STAT4: variants seen among roughly 807,000 people sequenced by gnomAD.
STAT4 encodes the protein signal transducer and activator of transcription 4.
A neutral mutation model predicts 110.5 loss-of-function variants in STAT4; 42 were observed. That is an observed-to-expected ratio of 0.38 (90% CI 0.30 to 0.49). STAT4 has a LOEUF of 0.49. Ranked by LOEUF, STAT4 falls within the 20% of genes least tolerant of loss-of-function variation. The pLI, the probability that STAT4 is intolerant of heterozygous loss-of-function variation, is 0.95. For synonymous variants in STAT4, 284 were observed against 302.2 expected, an observed-to-expected ratio of 0.94 and a Z score of 0.63; for missense variants, 632 against 887.9, an observed-to-expected ratio of 0.71 and a Z score of 3.66.
At chr2:191,151,594 C>T (rs1405184424), upstream of STAT4, 2 of 985,472 alleles carry the variant, frequency 2.0e-6, no homozygotes, top group African/African-American at 3.5e-5. The surrounding 1 kb of genome is among the most constrained non-coding windows in gnomAD (Gnocchi z 4.7). Flanking sequence ...TAGCCTTGCC[C>T]CTGGTTGCTA....
At position 191,029,885 on chromosome 2, in the gene STAT4, A is replaced by G. The variant is rs1695838036; in HGVS notation, c.2221-19T>C. 1.3e-6 allele frequency: 2 copies of G among 1,581,134 alleles called. No homozygotes were observed. Among genetic ancestry groups the G allele is most frequent in the African/African-American group, 2.7e-5 (2 of 73,706 alleles). On this transcript the variant is annotated intron_variant, in intron 23 of 23. Coordinates refer to ENST00000392320, the MANE Select transcript of STAT4 (RefSeq NM_003151.4). This position sits in a 1 kb window ranked among gnomAD's most constrained non-coding sequence, Gnocchi z 4.5. ...ACTTCATCTAAAATTAAAAATGAAA[A>G]TAATCTTTGAGGAAACTACTGGTTT...
At position 191,031,889 on chromosome 2, in the gene STAT4, T is replaced by G. The variant is rs1695907022; in HGVS notation, c.2045-373A>C. On this transcript the variant is annotated intron_variant, in intron 21 of 23. Coordinates refer to ENST00000392320, the MANE Select transcript of STAT4 (RefSeq NM_003151.4). The surrounding 1 kb of genome is among the most constrained non-coding windows in gnomAD (Gnocchi z 4.8). ...ATAACCCAGTTCTTTTCATTAAAAT[T>G]GACACCAATCAGAATCTTATGATTG... 6.6e-6 allele frequency among the ~76,000 whole-genome samples: 1 copy of G among 152,198 alleles called. No individual in the cohort carries two copies. The highest frequency in any genetic ancestry group is 2.4e-5 in the African/African-American group (1 of 41,448).
intron 14 of STAT4, among the ~76,000 whole-genome samples, chr2:191,048,864 A>G (rs558957961): frequency 6.8e-6 from 1 of 148,006 alleles, no homozygotes; most frequent in Admixed American, 6.7e-5. Context: ...ATCATCCAAG[A>G]TGATTACAGA....
In STAT4 at chr2:191,059,819, G is replaced by A. The variant is rs1696801628; in HGVS notation, c.1035-1050C>T. On this transcript the variant is annotated intron_variant, in intron 10 of 23. Transcript: ENST00000392320. This position sits in a 1 kb window ranked among gnomAD's most constrained non-coding sequence, Gnocchi z 4.7. ...TGGTTCAGGATCTGGAGTATGTTGA[G>A]TGTGCAGTCATTGGTGGTGAATGGT... is the stretch of plus-strand genomic sequence containing the variant. 6.6e-6 allele frequency among the ~76,000 whole-genome samples: 1 copy of A among 152,316 alleles called. No homozygotes were observed. The highest frequency in any genetic ancestry group is 3.4e-3 in the Middle Eastern group (1 of 294).
rs748692127 is a variant in STAT4 at position 191,095,149 on chromosome 2, A to T, written c.274-18824T>A. On this transcript the variant is annotated intron_variant, in intron 3 of 23. Coordinates refer to ENST00000392320, the MANE Select transcript of STAT4 (RefSeq NM_003151.4). ...GAGACTTAGACTCCCACACAATAAT[A>T]ACTTTATTTTTAAAGTTGGAGACTT... Among the ~76,000 whole-genome samples the T allele has an allele frequency of 1.0e-3, 159 of 152,222 alleles. 2 individuals carry two copies. In the Middle Eastern group the frequency reaches 0.024, roughly 23 times the overall value.
intron 3 of STAT4, among the ~76,000 whole-genome samples, chr2:191,141,684 G>T (rs976739794): frequency 1.3e-5 from 2 of 151,290 alleles, no homozygotes; most frequent in Non-Finnish European, 2.9e-5. Flanking sequence ...AGGCTGGAGT[G>T]CAGTGGCACT....
In STAT4 at chr2:191,033,464, A is replaced by G. The variant is rs1050592569; in HGVS notation, c.1852+26T>C. On this transcript the variant is annotated intron_variant, in intron 20 of 23. Transcript: ENST00000392320. The surrounding 1 kb of genome is among the most constrained non-coding windows in gnomAD (Gnocchi z 6.9). ...CCAAATTTAAGAAAACTAATTTCAC[A>G]TGAATAAACATTAGTGAGTATATAC... 2 of 1,583,304 alleles carry G rather than the reference A, an allele frequency of 1.3e-6. No homozygotes were observed. Among genetic ancestry groups the G allele is most frequent in the Non-Finnish European group, 1.7e-6 (2 of 1,169,290 alleles).
rs1331569800 is a variant in STAT4 at position 191,035,021 on chromosome 2, T to C, written c.1571-424A>G. 6.6e-6 allele frequency among the ~76,000 whole-genome samples: 1 copy of C among 152,216 alleles called. No homozygotes were observed. Among genetic ancestry groups the C allele is most frequent in the East Asian group, 1.9e-4 (1 of 5,202 alleles). ...ATAAAACAAATTTGTGTAAGTTAGG[T>C]ATAGCTAGATTACCAGGAATGTTGC... is the stretch of plus-strand genomic sequence containing the variant. On this transcript the variant is annotated intron_variant, in intron 17 of 23. Transcript: ENST00000392320. This position sits in a 1 kb window ranked among gnomAD's most constrained non-coding sequence, Gnocchi z 4.7.
In STAT4 at chr2:191,031,041, A is replaced by C. The variant is rs989866007; in HGVS notation, c.2151T>G (p.Leu717=). The change falls in exon 23 of 24, where the codon CTT becomes CTG. Residue 717 remains leucine (L), a synonymous_variant. Transcript: ENST00000392320. The surrounding 1 kb of genome is among the most constrained non-coding windows in gnomAD (Gnocchi z 4.8). The stretch of plus-strand genomic sequence containing the variant: ...CATACACACTTGGAGACATGGGAAG[A>C]AGGTCTGATGGAGAATGTGGCTCTG... ...DSTEPHSPSD[L]LPMSPSVYAV... is the part of the protein sequence containing the mutation. 9.9e-6 allele frequency: 16 copies of C among 1,613,890 alleles called. No individual in the cohort carries two copies. In the African/African-American group the frequency reaches 2.0e-4, roughly 20 times the overall value.
At chr2:191,137,192 C>T (rs570190319) in intron 3 of STAT4, among the ~76,000 whole-genome samples, 10 of 151,792 alleles carry the variant, frequency 6.6e-5, no homozygotes, top group Admixed American at 6.6e-4. Flanking sequence ...AAAATACAAA[C>T]ATTAGCCAGG....
chr2:191,099,302 T>A lies in STAT4; in HGVS notation c.274-22977A>T, dbSNP rs2125330090. ...TTTACAACCTATTAGGAAAGAAATC[T>A]CAAAATATCAGAATTTAAAATGCTT... is the stretch of plus-strand genomic sequence containing the variant. On this transcript the variant is annotated intron_variant, in intron 3 of 23. Coordinates refer to ENST00000392320, the MANE Select transcript of STAT4 (RefSeq NM_003151.4). The surrounding 1 kb of genome is among the most constrained non-coding windows in gnomAD (Gnocchi z 4.1). 6.6e-6 allele frequency among the ~76,000 whole-genome samples: 1 copy of A among 152,228 alleles called. No individual in the cohort carries two copies. Among genetic ancestry groups the A allele is most frequent in the Non-Finnish European group, 1.5e-5 (1 of 67,988 alleles).
rs185613503 is a variant in STAT4 at position 191,112,557 on chromosome 2, A to G, written c.273+34056T>C. On this transcript the variant is annotated intron_variant, in intron 3 of 23. Coordinates refer to ENST00000392320, the MANE Select transcript of STAT4 (RefSeq NM_003151.4). The surrounding 1 kb of genome is among the most constrained non-coding windows in gnomAD (Gnocchi z 4.3). The stretch of plus-strand genomic sequence containing the variant: ...TAAAACATGCCCTGTGGCACAATCT[A>G]TATGTAGTATAGGATAGTGATGAAA... Among the ~76,000 whole-genome samples, 3 of 152,372 alleles carry G rather than the reference A, an allele frequency of 2.0e-5. No individual in the cohort carries two copies. The highest frequency in any genetic ancestry group is 2.9e-5 in the Non-Finnish European group (2 of 68,022).
Position 191,073,124 on chromosome 2 carries a change from C to T in STAT4, c.439G>A (p.Val147Met). ...TGCACACTGTTTTTAATGGCAGCCA[C>T]TTTGTGCTCCACATTCCTCTGTCTT... ...SERQRNVEHK[V>M]AAIKNSVQMT... Residue 147 changes from valine to methionine, a missense_variant, in exon 5 of 24, where the codon GTG becomes ATG. Transcript: ENST00000392320. 2.5e-6 allele frequency: 4 copies of T among 1,613,986 alleles called. No homozygotes were observed. The highest frequency in any genetic ancestry group is 3.4e-6 in the Non-Finnish European group (4 of 1,179,918).
Position 191,046,741 on chromosome 2 carries a change from C to G in STAT4, c.1252-5593G>C, listed in dbSNP as rs1320411990. 6.6e-6 allele frequency among the ~76,000 whole-genome samples: 1 copy of G among 152,192 alleles called. No homozygotes were observed. Among genetic ancestry groups the G allele is most frequent in the Non-Finnish European group, 1.5e-5 (1 of 68,024 alleles). ...CTGAGACAGAGCTCCTAAGACCTTT[C>G]TAGATGGAGATGCCAGGTGAGTCTT... On this transcript the variant is annotated intron_variant, in intron 14 of 23. Coordinates refer to ENST00000392320, the MANE Select transcript of STAT4 (RefSeq NM_003151.4). This position sits in a 1 kb window ranked among gnomAD's most constrained non-coding sequence, Gnocchi z 4.6.
chr2:191,031,304 T>C lies in STAT4; in HGVS notation c.2111+146A>G. ...ACAATAGATTGTGGTAAGTGTGCCC[T>C]GAAGGCTAGCCTTATGTATTAAAGG... On this transcript the variant is annotated intron_variant, in intron 22 of 23. Coordinates refer to ENST00000392320, the MANE Select transcript of STAT4 (RefSeq NM_003151.4). The surrounding 1 kb of genome is among the most constrained non-coding windows in gnomAD (Gnocchi z 4.8). 1.0e-6 allele frequency: 1 copy of C among 977,754 alleles called. No homozygotes were observed. Among genetic ancestry groups the C allele is most frequent in the African/African-American group, 1.6e-5 (1 of 60,750 alleles). 60.6% of individuals were successfully genotyped at this position (977,754 alleles called of 1,614,324 possible).
Position 191,033,640 on chromosome 2 carries a change from A to G in STAT4, c.1716-14T>C. 2 of 1,609,570 alleles carry G rather than the reference A, an allele frequency of 1.2e-6. No individual in the cohort carries two copies. ...CCCATGACATACCTAAAAATAGAAC[A>G]TGCATTATTTCATCTGATCATTATT... is the stretch of plus-strand genomic sequence containing the variant. On this transcript the variant is annotated splice_polypyrimidine_tract_variant and intron_variant, in intron 19 of 23. Coordinates refer to ENST00000392320, the MANE Select transcript of STAT4 (RefSeq NM_003151.4). This position sits in a 1 kb window ranked among gnomAD's most constrained non-coding sequence, Gnocchi z 6.9.
Position 191,146,853 on chromosome 2 carries a change from G to A in STAT4, c.129-96C>T. On this transcript the variant is annotated intron_variant, in intron 2 of 23. Transcript: ENST00000392320. This position sits in a 1 kb window ranked among gnomAD's most constrained non-coding sequence, Gnocchi z 4.5. ...CTTTAAAACAATAAACCTATTACAT[G>A]GTGATAAGCATTTAAAAGTTTTAAA... The A allele has an allele frequency of 8.5e-7, 1 of 1,179,144 alleles. No individual in the cohort carries two copies. Among genetic ancestry groups the A allele is most frequent in the Non-Finnish European group, 1.1e-6 (1 of 898,634 alleles). The allele number at this position is 1,179,144 out of a possible 1,614,324, so 73.0% of individuals were successfully genotyped here. A position where few individuals can be genotyped will look rare whatever the true frequency, so the allele number is the denominator to read the frequency against.
At chr2:191,041,959 C>T (rs2125166904) in intron 14 of STAT4, among the ~76,000 whole-genome samples, 1 of 152,264 alleles carries the variant, frequency 6.6e-6, no homozygotes, top group South Asian at 2.1e-4. Context: ...GCTGTGTGTG[C>T]TAAAGAGTGG....
At chr2:191,097,524 A>T (rs1455255378) in intron 3 of STAT4, among the ~76,000 whole-genome samples, 1 of 152,210 alleles carries the variant, frequency 6.6e-6, no homozygotes, top group African/African-American at 2.4e-5. Context: ...TGGGGAAAGG[A>T]TTCCCTATTT....
Sources: gnomAD v4.1 joint callset for allele counts (sites outside exome capture counted in the v4.1 genomes callset) on GRCh38, gnomAD v4.1.1 for gene constraint, Gnocchi (gnomAD v3.1) non-coding constraint, MANE v1.5 for transcripts, NCBI Gene and HGNC (gene_info 2026-07-23, HGNC 2026-07-21) for gene names.